ESR1: variants seen among roughly 807,000 people sequenced by gnomAD.
The protein encoded by ESR1 is estrogen receptor 1.
Under a neutral mutation model 52.7 loss-of-function variants are expected in ESR1, and 12 were observed. That is an observed-to-expected ratio of 0.23 (90% CI 0.15 to 0.37). ESR1 has a LOEUF of 0.37. Among genes scored for constraint, ESR1 ranks in the 10% least tolerant of loss-of-function variants. The probability of loss-of-function intolerance (pLI) is 1.00; values close to 1 mark genes in which losing one functional copy is unlikely to be tolerated. For missense variants in ESR1, 584 were observed against 779.7 expected, an observed-to-expected ratio of 0.75 and a Z score of 2.99; for synonymous variants, 305 against 316.8, an observed-to-expected ratio of 0.96 and a Z score of 0.39.
chr6:151,681,901 C>T (rs1434422368), intron 1 of ESR1, among the ~76,000 whole-genome samples: 1 of 152,142 alleles, frequency 6.6e-6, no homozygotes, highest in African/African-American at 2.4e-5. Context: ...ACCTGCTCAC[C>T]ACGAGGTGCT....
chr6:151,906,157 A>G (rs1347055171), intron 3 of ESR1, among the ~76,000 whole-genome samples: 2 of 152,192 alleles, frequency 1.3e-5, no homozygotes, highest in African/African-American at 4.8e-5. Flanking sequence ...AAGAACTATG[A>G]GATATTTAAA....
chr6:152,040,434 C>T (rs1489603065), intron 5 of ESR1, among the ~76,000 whole-genome samples: 2 of 152,202 alleles, frequency 1.3e-5, no homozygotes, highest in African/African-American at 4.8e-5. Context: ...AATATCTTCA[C>T]AGTTTTTGAC....
intron 3 of ESR1, among the ~76,000 whole-genome samples, chr6:151,906,854 A>G (rs575742660): frequency 9.2e-5 from 14 of 151,400 alleles, no homozygotes; most frequent in Admixed American, 8.5e-4. Context: ...TTATTTGTCT[A>G]TATTCTGTTA....
At chr6:151,728,728 A>G (rs374198760) in intron 2 of ESR1, among the ~76,000 whole-genome samples, 1 of 151,988 alleles carries the variant, frequency 6.6e-6, no homozygotes, top group African/African-American at 2.4e-5. Context: ...TCCACCCCTC[A>G]CTGTTTACCA....
At chr6:151,690,615 C>G (rs1247508093) in exon 1 of ESR1, 1 of 152,164 alleles carries the variant, frequency 6.6e-6, no homozygotes, top group East Asian at 1.9e-4. Flanking sequence ...TTTCTCCTGC[C>G]CATTCTATAG....
intron 5 of ESR1, among the ~76,000 whole-genome samples, chr6:152,032,381 TC>T (rs2044802003): frequency 6.6e-6 from 1 of 152,154 alleles, no homozygotes; most frequent in South Asian, 2.1e-4. Flanking sequence ...TGATTGCATA[TC>T]TAGAAAACTC....
intron 2 of ESR1, among the ~76,000 whole-genome samples, chr6:151,868,986 C>T (rs1318626595): frequency 6.6e-6 from 1 of 152,118 alleles, no homozygotes; most frequent in African/African-American, 2.4e-5. Flanking sequence ...GCTTAGTGAA[C>T]CGTCTTTTCT....
chr6:151,895,497 C>A (rs1795354602), intron 3 of ESR1, among the ~76,000 whole-genome samples: 2 of 152,102 alleles, frequency 1.3e-5, no homozygotes, highest in African/African-American at 4.8e-5. Flanking sequence ...AACTTTTCCC[C>A]ATTCAGTATT....
At chr6:151,879,342 C>CT (rs951437181) in intron 2 of ESR1, among the ~76,000 whole-genome samples, 2 of 152,164 alleles carry the variant, frequency 1.3e-5, no homozygotes, top group African/African-American at 2.4e-5. Flanking sequence ...AGGGAAGTTG[C>CT]TTTTTTGGGG....
At chr6:151,935,513 C>T (rs1342608975) in intron 3 of ESR1, among the ~76,000 whole-genome samples, 2 of 152,178 alleles carry the variant, frequency 1.3e-5, no homozygotes, top group Admixed American at 1.3e-4. Flanking sequence ...TCACAGGGAG[C>T]AGGCTGCATG....
chr6:152,057,616 T>A (rs2047202590), intron 5 of ESR1, among the ~76,000 whole-genome samples: 1 of 151,642 alleles, frequency 6.6e-6, no homozygotes, highest in South Asian at 2.1e-4. Flanking sequence ...GGCTCTGGGG[T>A]CTTCCTATCA....
intron 1 of ESR1, among the ~76,000 whole-genome samples, chr6:151,659,735 T>C (rs1298441072): frequency 2.0e-5 from 3 of 152,228 alleles, no homozygotes; most frequent in East Asian, 1.9e-4. Flanking sequence ...TCTAAAGGTC[T>C]ACAGTGTGAC....
intron 2 of ESR1, among the ~76,000 whole-genome samples, chr6:151,721,557 A>G (rs1270179594): frequency 6.6e-6 from 1 of 152,242 alleles, no homozygotes; most frequent in Non-Finnish European, 1.5e-5. Flanking sequence ...TAGCAAAATC[A>G]GAACAGACCC....
intron 2 of ESR1, among the ~76,000 whole-genome samples, chr6:151,794,776 C>T (rs1277409600): frequency 6.6e-6 from 1 of 152,150 alleles, no homozygotes; most frequent in Non-Finnish European, 1.5e-5. Context: ...ACGTTCTCCA[C>T]ACCTAAGGTG....
intron 7 of ESR1, among the ~76,000 whole-genome samples, chr6:152,097,279 A>G (rs545513325): frequency 6.6e-6 from 1 of 152,296 alleles, no homozygotes; most frequent in South Asian, 2.1e-4. Flanking sequence ...GGCCCCAGCC[A>G]TATGTTGCTA....
intron 1 of ESR1, among the ~76,000 whole-genome samples, chr6:151,822,854 T>G (rs1178740233): frequency 1.3e-5 from 2 of 152,354 alleles, no homozygotes; most frequent in Middle Eastern, 3.4e-3. Flanking sequence ...CAAGACTTAG[T>G]GCATCTTCAA....
chr6:151,937,938 G>A (rs1006214477), intron 3 of ESR1, among the ~76,000 whole-genome samples: 2 of 152,150 alleles, frequency 1.3e-5, no homozygotes, highest in Non-Finnish European at 2.9e-5. Flanking sequence ...AGTACTTGAA[G>A]GGAGAGTGTT....
chr6:152,036,180 CA>C (rs2128881159), intron 5 of ESR1, among the ~76,000 whole-genome samples: 1 of 152,204 alleles, frequency 6.6e-6, no homozygotes, highest in East Asian at 1.9e-4. Flanking sequence ...GCCAACATGG[CA>C]AAACCTCGTC....
intron 1 of ESR1, among the ~76,000 whole-genome samples, chr6:151,831,962 T>C (rs547645707): frequency 6.6e-6 from 1 of 152,324 alleles, no homozygotes; most frequent in East Asian, 1.9e-4. Flanking sequence ...GTGGAGCTTC[T>C]TTGAACTGTA....
Sources: gnomAD v4.1 joint callset for allele counts (sites outside exome capture counted in the v4.1 genomes callset) on GRCh38, gnomAD v4.1.1 for gene constraint, MANE v1.5 for transcripts, NCBI Gene and HGNC (gene_info 2026-07-23, HGNC 2026-07-21) for gene names.